PWWP3B: variants seen among roughly 807,000 people sequenced by gnomAD.
PWWP3B encodes the protein PWWP domain containing 3B.
A neutral mutation model predicts 15.7 loss-of-function variants in PWWP3B; 5 were observed. The observed-to-expected ratio is 0.32, with a 90% CI of 0.17 to 0.67. The LOEUF is 0.67. PWWP3B is among the 30% of genes least tolerant of loss of function. The pLI is 0.74. For synonymous variants in PWWP3B, 203 were observed against 179.8 expected (o/e 1.13, Z -1.03); for missense variants, 519 against 493.1 (o/e 1.05, Z -0.50).
intron 2 of PWWP3B, among the ~76,000 whole-genome samples, chrX:106,194,338 A>T (rs1415412043): frequency 8.9e-6 from 1 of 111,748 alleles, no homozygotes; most frequent in Non-Finnish European, 1.9e-5. Context: ...CACATCGGTT[A>T]CTGAGGCTTC....
At chrX:106,189,726 T>C (rs1216182814) in intron 2 of PWWP3B, among the ~76,000 whole-genome samples, 3 of 106,130 alleles carry the variant, frequency 2.8e-5, no homozygotes, top group Non-Finnish European at 5.8e-5. Flanking sequence ...CACGCCATTC[T>C]CCTGCCTCAG....
chrX:106,183,626 C>T (rs1922337008), intron 2 of PWWP3B, among the ~76,000 whole-genome samples: 1 of 112,258 alleles, frequency 8.9e-6, no homozygotes, highest in Non-Finnish European at 1.9e-5. Context: ...CAAAGTCTCC[C>T]AGTTACAAAT....
At chrX:106,181,894 C>A (rs1348332634) in intron 2 of PWWP3B, among the ~76,000 whole-genome samples, 1 of 111,978 alleles carries the variant, frequency 8.9e-6, no homozygotes, top group East Asian at 2.8e-4. Context: ...ATATAGGGCC[C>A]AAAGGCGAGT....
At chrX:106,193,683 G>A (rs1469357689) in intron 2 of PWWP3B, among the ~76,000 whole-genome samples, 1 of 112,119 alleles carries the variant, frequency 8.9e-6, no homozygotes, top group Non-Finnish European at 1.9e-5. Flanking sequence ...GGTACTGGTT[G>A]TTCCTTTCCA....
chrX:106,173,447 G>A (rs1028517405), intron 2 of PWWP3B, among the ~76,000 whole-genome samples: 11 of 110,311 alleles, frequency 1.0e-4, no homozygotes, highest in South Asian at 3.8e-4. Context: ...CCCATTATTC[G>A]TTCTTCTGAC....
At chrX:106,188,440 G>A (rs965958019) in intron 2 of PWWP3B, among the ~76,000 whole-genome samples, 2 of 111,357 alleles carry the variant, frequency 1.8e-5, no homozygotes, top group African/African-American at 6.5e-5. Context: ...GTATGTATCC[G>A]GATTACTCTC....
rs947083232 is a variant in PWWP3B at position 106,194,036 on chromosome X, G to T, written c.-400-9949G>T. 9.9e-5 allele frequency among the ~76,000 whole-genome samples: 11 copies of T among 110,895 alleles called. No homozygotes were observed. The Admixed American group carries it at 1.1e-3, about 11-fold the overall frequency. ...TATGTGTCTTGGAGTTGCTCTTCTT[G>T]AGGAGTATCTTTGTGGCATTCTCTG... is the stretch of plus-strand genomic sequence containing the variant. On this transcript the variant is annotated intron_variant, in intron 2 of 3. Coordinates refer to ENST00000357175, the MANE Select transcript of PWWP3B (RefSeq NM_001171020.2).
chrX:106,195,366 AT>A (rs1923311691), intron 2 of PWWP3B, among the ~76,000 whole-genome samples: 1 of 111,310 alleles, frequency 9.0e-6, no homozygotes, highest in African/African-American at 3.3e-5. Flanking sequence ...CAATTTATTA[AT>A]TTTTTATGGT....
intron 2 of PWWP3B, among the ~76,000 whole-genome samples, chrX:106,180,871 A>G (rs1441959568): frequency 1.8e-5 from 2 of 112,168 alleles, no homozygotes; most frequent in Non-Finnish European, 3.8e-5. Context: ...ACCTTGTAAT[A>G]TATTTTGATA....
intron 2 of PWWP3B, among the ~76,000 whole-genome samples, chrX:106,195,413 A>C (rs922438427): frequency 9.0e-6 from 1 of 111,600 alleles, no homozygotes; most frequent in Non-Finnish European, 1.9e-5. Context: ...CTTTGCCTAG[A>C]CCAAAATCTT....
intron 2 of PWWP3B, among the ~76,000 whole-genome samples, chrX:106,192,609 T>C (rs1457030317): frequency 4.6e-5 from 5 of 109,814 alleles, no homozygotes; most frequent in East Asian, 5.7e-4. Context: ...GCTCTTGCTT[T>C]TCTAGTTCTT....
At chrX:106,201,635 C>T (rs1410889585) in intron 2 of PWWP3B, 1 of 111,815 alleles carries the variant, frequency 8.9e-6, no homozygotes, top group African/African-American at 3.3e-5. Context: ...CTCCCCTGAT[C>T]CAGGCAGGGG....
chrX:106,186,460 T>C (rs1045438801), intron 2 of PWWP3B, among the ~76,000 whole-genome samples: 1 of 111,419 alleles, frequency 9.0e-6, no homozygotes, highest in Non-Finnish European at 1.9e-5. Context: ...GTGCCTGGTA[T>C]TTAGCCCCCA....
chrX:106,203,528 C>T (rs1923820123), intron 2 of PWWP3B, among the ~76,000 whole-genome samples: 2 of 111,512 alleles, frequency 1.8e-5, no homozygotes, highest in Admixed American at 1.9e-4. Context: ...AAATTTTTTC[C>T]AGCCAACCAT....
At chrX:106,197,308 C>A (rs1294103356) in intron 2 of PWWP3B, among the ~76,000 whole-genome samples, 1 of 111,856 alleles carries the variant, frequency 8.9e-6, no homozygotes, top group Non-Finnish European at 1.9e-5. Context: ...AGCAATGGAT[C>A]TCTGCCTTTG....
At chrX:106,201,718 C>T (rs1337256921) in intron 2 of PWWP3B, 1 of 111,714 alleles carries the variant, frequency 9.0e-6, no homozygotes, top group Non-Finnish European at 1.9e-5. Context: ...CCTGGCCAGT[C>T]TTGGGGGAGG....
At chrX:106,199,620 G>T (rs1923582224) in intron 2 of PWWP3B, among the ~76,000 whole-genome samples, 1 of 110,344 alleles carries the variant, frequency 9.1e-6, no homozygotes, top group South Asian at 3.8e-4. Context: ...AAGGGGGAAA[G>T]TGGAAAAAAA....
chrX:106,170,077 G>T (rs1375070356), intron 1 of PWWP3B, among the ~76,000 whole-genome samples: 1 of 111,534 alleles, frequency 9.0e-6, no homozygotes, highest in African/African-American at 3.3e-5. Flanking sequence ...ATTTCATTTT[G>T]AAAAGAGCAA....
chrX:106,199,714 G>C (rs1344885579), intron 2 of PWWP3B, among the ~76,000 whole-genome samples: 2 of 111,198 alleles, frequency 1.8e-5, no homozygotes, highest in Admixed American at 9.6e-5. Flanking sequence ...TCTTTGGCAA[G>C]AAATTCCATC....
Sources: allele counts gnomAD v4.1 joint callset (sites outside exome capture counted in the v4.1 genomes callset), GRCh38; gene constraint gnomAD v4.1.1; transcripts MANE v1.5; gene names NCBI Gene and HGNC (gene_info 2026-07-23, HGNC 2026-07-21).